The following MTCL1 variants were observed in gnomAD, a reference collection of about 807,000 sequenced individuals.
MTCL1 encodes microtubule crosslinking factor 1.
In MTCL1, 79 loss-of-function variants were observed where a neutral mutation model predicts 141.4. The observed-to-expected ratio is 0.56, with a 90% CI of 0.47 to 0.67. The LOEUF (loss-of-function observed/expected upper bound fraction) is 0.67. Ranked by LOEUF, MTCL1 falls within the 30% of genes least tolerant of loss-of-function variation. The pLI is 0.00. For missense variants in MTCL1, 2,177 were observed against 2,113.9 expected, an observed-to-expected ratio of 1.03 and a Z score of -0.59; for synonymous variants, 914 against 875.8, an observed-to-expected ratio of 1.04 and a Z score of -0.77.
chr18:8,775,408 T>TAAAAAAAAAAAAAAAAA (rs780102071), intron 4 of MTCL1, among the ~76,000 whole-genome samples: 4 of 92,970 alleles, frequency 4.3e-5, no homozygotes, highest in African/African-American at 1.2e-4. Context: ...TCGTCTCTAC[T>TAAAAAAAAAAAAAAAAA]AAAAAAAAAA....
intron 13 of MTCL1, among the ~76,000 whole-genome samples, chr18:8,819,741 C>T (rs1220124994): frequency 6.6e-6 from 1 of 152,054 alleles, no homozygotes; most frequent in Non-Finnish European, 1.5e-5. Context: ...TAGCTGGGAC[C>T]ACAGGCACAT....
chr18:8,750,431 C>G (rs1226464029), intron 4 of MTCL1, among the ~76,000 whole-genome samples: 1 of 152,240 alleles, frequency 6.6e-6, no homozygotes, highest in African/African-American at 2.4e-5. Flanking sequence ...GGTGCCCCTC[C>G]TCCAGGGTGG....
At chr18:8,753,803 C>A (rs1271490074) in intron 4 of MTCL1, among the ~76,000 whole-genome samples, 1 of 152,180 alleles carries the variant, frequency 6.6e-6, no homozygotes, top group African/African-American at 2.4e-5. Context: ...ATTCACGACA[C>A]ACCCAGCAAG....
chr18:8,815,690 G>A (rs1347046674), intron 12 of MTCL1, among the ~76,000 whole-genome samples: 1 of 149,264 alleles, frequency 6.7e-6, no homozygotes, highest in East Asian at 2.0e-4. Flanking sequence ...ATGAACCACA[G>A]CCTCATTTTG....
intron 4 of MTCL1, among the ~76,000 whole-genome samples, chr18:8,744,152 G>A (rs1422670734): frequency 6.6e-6 from 1 of 152,242 alleles, no homozygotes; most frequent in African/African-American, 2.4e-5. Context: ...AAATGACAGA[G>A]AGCTGAGTCT....
chr18:8,784,008 A>G (rs1402147220), exon 6 of MTCL1: 9 of 1,613,520 alleles, frequency 5.6e-6, no homozygotes. Flanking sequence ...GAAGACCACA[A>G]CCGGCAACTG....
At chr18:8,727,271 A>G (rs2096221916) in intron 4 of MTCL1, among the ~76,000 whole-genome samples, 1 of 152,202 alleles carries the variant, frequency 6.6e-6, no homozygotes, top group African/African-American at 2.4e-5. Flanking sequence ...ACATGAGTGT[A>G]GGTATTTTTT....
intron 4 of MTCL1, among the ~76,000 whole-genome samples, chr18:8,751,093 T>C (rs1219790137): frequency 6.6e-6 from 1 of 152,196 alleles, no homozygotes; most frequent in Non-Finnish European, 1.5e-5. Context: ...ACTGCATGTG[T>C]GCATGACTCA....
At chr18:8,730,895 C>G (rs1024837457) in intron 4 of MTCL1, among the ~76,000 whole-genome samples, 1 of 152,192 alleles carries the variant, frequency 6.6e-6, no homozygotes. Context: ...TTTACCTACA[C>G]GTTAGAATGG....
intron 7 of MTCL1, chr18:8,786,882 T>A (rs2096558144): frequency 6.3e-6 from 1 of 157,824 alleles, no homozygotes; most frequent in Admixed American, 5.9e-5. Context: ...GGGGCCCAGT[T>A]TTCCCTTCCC....
chr18:8,730,228 G>A (rs879363625), intron 4 of MTCL1, among the ~76,000 whole-genome samples: 2 of 152,024 alleles, frequency 1.3e-5, no homozygotes, highest in African/African-American at 4.8e-5. Flanking sequence ...TGCGGAGTCC[G>A]TGCCAGCCAG....
intron 4 of MTCL1, among the ~76,000 whole-genome samples, chr18:8,733,759 C>T (rs1328314553): frequency 6.6e-6 from 1 of 152,152 alleles, no homozygotes; most frequent in Non-Finnish European, 1.5e-5. Context: ...GAGGAGGCTA[C>T]AGGAGCGTCC....
intron 4 of MTCL1, among the ~76,000 whole-genome samples, chr18:8,721,503 C>T (rs868257982): frequency 1.3e-5 from 2 of 152,306 alleles, no homozygotes; most frequent in Middle Eastern, 3.4e-3. Flanking sequence ...TCTGCCCCCA[C>T]CCCTCTTCTC....
intron 4 of MTCL1, among the ~76,000 whole-genome samples, chr18:8,738,828 A>G (rs1380077357): frequency 2.0e-5 from 3 of 152,238 alleles, no homozygotes; most frequent in African/African-American, 4.8e-5. Flanking sequence ...AGAAACCACA[A>G]ATTAAAACCT....
intron 5 of MTCL1, among the ~76,000 whole-genome samples, chr18:8,780,526 C>T (rs1314886048): frequency 1.3e-5 from 2 of 152,240 alleles, no homozygotes; most frequent in Admixed American, 1.3e-4. Flanking sequence ...GATTTCTCTG[C>T]TTTAGAGGTG....
intron 14 of MTCL1, among the ~76,000 whole-genome samples, chr18:8,824,084 A>G (rs533021285): frequency 4.1e-4 from 62 of 152,296 alleles, no homozygotes; most frequent in Admixed American, 2.0e-4. Context: ...GCCAGCAGGC[A>G]CAGGCAGCCC....
chr18:8,726,869 G>T (rs527767443), intron 4 of MTCL1, among the ~76,000 whole-genome samples: 74 of 152,220 alleles, frequency 4.9e-4, no homozygotes, highest in African/African-American at 1.7e-3. Flanking sequence ...TAATAGTGAG[G>T]TTTGGGCTTC....
At chr18:8,829,956 A>T in intron 16 of MTCL1, 1 of 985,430 alleles carries the variant, frequency 1.0e-6, no homozygotes, top group Non-Finnish European at 1.2e-6. Flanking sequence ...TCTCATAAAA[A>T]GCCTGCTCTT....
chr18:8,760,227 T>C (rs1219027356), intron 4 of MTCL1, among the ~76,000 whole-genome samples: 1 of 152,170 alleles, frequency 6.6e-6, no homozygotes, highest in African/African-American at 2.4e-5. Flanking sequence ...TGCCGGGCTA[T>C]GGAGGGTCTC....
Sources: gnomAD v4.1 joint callset for allele counts (sites outside exome capture counted in the v4.1 genomes callset) on GRCh38, gnomAD v4.1.1 for gene constraint, MANE v1.5 for transcripts, NCBI Gene and HGNC (gene_info 2026-07-23, HGNC 2026-07-21) for gene names.